The following CDH18 variants were observed in gnomAD, a reference collection of about 807,000 sequenced individuals.
The protein encoded by CDH18 is cadherin-18.
CDH18 carries 31 observed loss-of-function variants against 67.9 expected under a neutral mutation model. The observed-to-expected ratio is 0.46, with a 90% CI of 0.34 to 0.62. The LOEUF (loss-of-function observed/expected upper bound fraction) is 0.62. CDH18 is among the 20% of genes least tolerant of loss of function. CDH18 has a pLI of 0.01. For synonymous variants in CDH18, 362 were observed against 347.2 expected (o/e 1.04, Z -0.48); for missense variants, 890 against 975.5 (o/e 0.91, Z 1.17).
At chr5:20,227,834 G>GA (rs55846188) in intron 2 of CDH18, among the ~76,000 whole-genome samples, 107,866 of 151,642 alleles carry the variant, frequency 0.71, 39,371 homozygotes, top group African/African-American at 0.89. Flanking sequence ...ATCTAATCTA[G>GA]AAATAAGCAC....
At chr5:19,770,856 G>A (rs1773655473) in intron 3 of CDH18, among the ~76,000 whole-genome samples, 1 of 152,010 alleles carries the variant, frequency 6.6e-6, no homozygotes, top group South Asian at 2.1e-4. Flanking sequence ...TATTTTGGGG[G>A]GCAAATAACA....
chr5:19,516,950 C>A (rs772407207), intron 10 of CDH18, among the ~76,000 whole-genome samples: 1 of 151,948 alleles, frequency 6.6e-6, no homozygotes, highest in Non-Finnish European at 1.5e-5. Flanking sequence ...TAATTGTGCA[C>A]ATTTTGTTGT....
At chr5:20,437,912 A>C (rs1475392888) in intron 1 of CDH18, among the ~76,000 whole-genome samples, 1 of 151,338 alleles carries the variant, frequency 6.6e-6, no homozygotes, top group Admixed American at 6.6e-5. Flanking sequence ...TACCATTTCA[A>C]TCTGCTTAAG....
intron 2 of CDH18, among the ~76,000 whole-genome samples, chr5:19,961,933 A>G (rs1796945078): frequency 6.6e-6 from 1 of 151,994 alleles, no homozygotes; most frequent in Non-Finnish European, 1.5e-5. Flanking sequence ...TAAACCAAAC[A>G]ATTTTTTCTC....
At chr5:20,238,602 G>A (rs1686399872) in intron 2 of CDH18, among the ~76,000 whole-genome samples, 1 of 152,010 alleles carries the variant, frequency 6.6e-6, no homozygotes, top group African/African-American at 2.4e-5. Context: ...ATACCCCACT[G>A]GTGGAGATGT....
chr5:19,708,023 G>A (rs1289197870), intron 5 of CDH18, among the ~76,000 whole-genome samples: 1 of 152,162 alleles, frequency 6.6e-6, no homozygotes, highest in Non-Finnish European at 1.5e-5. Flanking sequence ...TGGAAACATG[G>A]CGGTATAGTG....
intron 1 of CDH18, among the ~76,000 whole-genome samples, chr5:20,418,762 G>A (rs919867346): frequency 3.9e-5 from 6 of 152,080 alleles, no homozygotes; most frequent in Non-Finnish European, 7.4e-5. Context: ...ATAGATGTGT[G>A]TATATGCAAT....
At chr5:20,541,111 G>C (rs1757026495) in intron 1 of CDH18, among the ~76,000 whole-genome samples, 1 of 152,160 alleles carries the variant, frequency 6.6e-6, no homozygotes, top group Admixed American at 6.5e-5. Flanking sequence ...AAGCAGGAAT[G>C]AACATCTATT....
At chr5:19,764,454 T>C (rs1427409797) in intron 3 of CDH18, among the ~76,000 whole-genome samples, 1 of 151,910 alleles carries the variant, frequency 6.6e-6, no homozygotes, top group Non-Finnish European at 1.5e-5. Flanking sequence ...TAAAACTCCA[T>C]ATATGTGGTA....
chr5:19,863,370 T>C (rs1409116475), intron 2 of CDH18, among the ~76,000 whole-genome samples: 1 of 152,164 alleles, frequency 6.6e-6, no homozygotes, highest in Non-Finnish European at 1.5e-5. Context: ...GGGAAGTCAG[T>C]GTCCCTTTCC....
chr5:19,667,561 G>A (rs1390071940), intron 5 of CDH18, among the ~76,000 whole-genome samples: 1 of 149,584 alleles, frequency 6.7e-6, no homozygotes, highest in Non-Finnish European at 1.5e-5. Context: ...TGCTAATCAT[G>A]AGCTACAAAA....
At chr5:20,150,625 C>G (rs1361541792) in intron 2 of CDH18, among the ~76,000 whole-genome samples, 1 of 151,698 alleles carries the variant, frequency 6.6e-6, no homozygotes, top group Non-Finnish European at 1.5e-5. Flanking sequence ...TTTCTTTTTT[C>G]TATATTTTTT....
chr5:20,071,183 T>C (rs1743447831), intron 2 of CDH18, among the ~76,000 whole-genome samples: 1 of 152,114 alleles, frequency 6.6e-6, no homozygotes, highest in Non-Finnish European at 1.5e-5. Flanking sequence ...CATTTAAGAT[T>C]TGGAAAATAT....
At chr5:20,232,390 C>T (rs920684170) in intron 2 of CDH18, among the ~76,000 whole-genome samples, 4 of 151,934 alleles carry the variant, frequency 2.6e-5, no homozygotes, top group Non-Finnish European at 5.9e-5. Flanking sequence ...CATAACTGTG[C>T]GATGTTGGAA....
Position 20,042,107 on chromosome 5 carries a change from T to G in CDH18, c.-517-50093A>C, listed in dbSNP as rs577560484. On this transcript the variant is annotated intron_variant, in intron 2 of 14. Transcript: ENST00000507958. ...CACACGAGCTTTTCTCACACTGACA[T>G]GTTCTAAAGCCAAATGATGCTTCCG... is the stretch of plus-strand genomic sequence containing the variant. Among the ~76,000 whole-genome samples the G allele has an allele frequency of 1.1e-4, 16 of 152,348 alleles. No individual in the cohort carries two copies. In the East Asian group the frequency reaches 3.1e-3, roughly 29 times the overall value.
At chr5:20,177,571 A>T (rs1737334950) in intron 2 of CDH18, among the ~76,000 whole-genome samples, 1 of 152,008 alleles carries the variant, frequency 6.6e-6, no homozygotes, top group Non-Finnish European at 1.5e-5. Flanking sequence ...ATTTCGTCAA[A>T]CATTATTCTA....
intron 2 of CDH18, among the ~76,000 whole-genome samples, chr5:20,245,699 T>C (rs1580571771): frequency 1.3e-5 from 2 of 152,212 alleles, no homozygotes; most frequent in East Asian, 1.9e-4. Context: ...CCTATTAAAA[T>C]ACACCATACC....
chr5:19,741,265 A>T (rs972402632), intron 4 of CDH18, among the ~76,000 whole-genome samples: 27 of 127,678 alleles, frequency 2.1e-4, no homozygotes, highest in Non-Finnish European at 4.4e-4. Flanking sequence ...ATGTATACAT[A>T]TATACATATA....
chr5:19,480,730 T>C (rs1739289229), intron 12 of CDH18, among the ~76,000 whole-genome samples: 1 of 151,896 alleles, frequency 6.6e-6, no homozygotes, highest in Non-Finnish European at 1.5e-5. Context: ...ATACATTTAC[T>C]GTACATATTT....
Sources: allele counts gnomAD v4.1 joint callset (sites outside exome capture counted in the v4.1 genomes callset), GRCh38; gene constraint gnomAD v4.1.1; transcripts MANE v1.5; gene names NCBI Gene and HGNC (gene_info 2026-07-23, HGNC 2026-07-21).